ZDHHC20: variants seen among roughly 807,000 people sequenced by gnomAD.
The protein encoded by ZDHHC20 is palmitoyltransferase ZDHHC20.
ZDHHC20 carries 43 observed loss-of-function variants against 57.8 expected under a neutral mutation model. That is an observed-to-expected ratio of 0.74 (90% CI 0.58 to 0.96). The LOEUF (loss-of-function observed/expected upper bound fraction) is 0.96. Among genes scored for constraint, ZDHHC20 ranks in the 40% least tolerant of loss-of-function variants. The pLI is 0.00. For missense variants in ZDHHC20, 391 were observed against 441.1 expected (o/e 0.89, Z 1.02); for synonymous variants, 157 against 153.0 (o/e 1.03, Z -0.19).
intron 11 of ZDHHC20, among the ~76,000 whole-genome samples, chr13:21,380,104 C>T (rs1019880238): frequency 6.6e-6 from 1 of 150,742 alleles, no homozygotes; most frequent in East Asian, 2.0e-4. Context: ...CATGAGCCAC[C>T]GTGCCCAGCC....
intron 9 of ZDHHC20, among the ~76,000 whole-genome samples, chr13:21,383,336 C>T (rs1023088365): frequency 3.9e-5 from 6 of 152,152 alleles, no homozygotes; most frequent in East Asian, 1.9e-4. Flanking sequence ...GTTTTATAAA[C>T]GGGAGTTCCC....
chr13:21,424,262 T>C (rs1880998811), intron 2 of ZDHHC20, among the ~76,000 whole-genome samples: 1 of 152,124 alleles, frequency 6.6e-6, no homozygotes, highest in Non-Finnish European at 1.5e-5. Context: ...TTACAAGTAA[T>C]ATAGGAAGTA....
intron 4 of ZDHHC20, among the ~76,000 whole-genome samples, chr13:21,408,187 T>C (rs578256780): frequency 5.4e-4 from 83 of 152,344 alleles, no homozygotes; most frequent in African/African-American, 1.8e-3. Flanking sequence ...GGGAATAGCA[T>C]TGAATCTATA....
intron 12 of ZDHHC20, 80 bp downstream of exon 12, chr13:21,378,581 T>G: frequency 4.8e-6 from 4 of 825,964 alleles, no homozygotes; most frequent in Non-Finnish European, 6.6e-6. Context: ...ACTAAAAAAA[T>G]ACAACTGCAA....
chr13:21,388,145 A>G (rs1018681090), intron 8 of ZDHHC20, among the ~76,000 whole-genome samples: 1 of 152,210 alleles, frequency 6.6e-6, no homozygotes, highest in Admixed American at 6.5e-5. Flanking sequence ...CGATAGAGAC[A>G]TATGTGTGCC....
chr13:21,387,411 C>G, intron 9 of ZDHHC20, 97 bp downstream of exon 9: 1 of 902,588 alleles, frequency 1.1e-6, no homozygotes, highest in Non-Finnish European at 1.5e-6. Context: ...GTGAGAATAT[C>G]ATTATATATT....
At chr13:21,428,508 C>T (rs988433045) in intron 1 of ZDHHC20, among the ~76,000 whole-genome samples, 15 of 151,824 alleles carry the variant, frequency 9.9e-5, no homozygotes, top group African/African-American at 3.6e-4. Flanking sequence ...CGTGAGCCAC[C>T]GCACCCAGGC....
At chr13:21,376,776 C>T (rs969089227) in intron 12 of ZDHHC20, 121 bp from the exon 13 acceptor site, 2 of 532,626 alleles carry the variant, frequency 3.8e-6, no homozygotes, top group East Asian at 3.6e-5. Flanking sequence ...AAAATGAATT[C>T]CTTAACACTA....
At chr13:21,421,352 G>C (rs1880632523) in intron 2 of ZDHHC20, among the ~76,000 whole-genome samples, 188 bp from the exon 3 acceptor site, 1 of 152,094 alleles carries the variant, frequency 6.6e-6, no homozygotes. Context: ...GAAATATTCT[G>C]TTCCTATATT....
At chr13:21,437,741 G>C (rs1193432575) in intron 1 of ZDHHC20, among the ~76,000 whole-genome samples, 2 of 151,628 alleles carry the variant, frequency 1.3e-5, no homozygotes, top group Non-Finnish European at 2.9e-5. Flanking sequence ...GCCCAGGCTG[G>C]AGTGCAGTGG....
chr13:21,411,753 T>C (rs1402172709), intron 4 of ZDHHC20, among the ~76,000 whole-genome samples: 1 of 152,084 alleles, frequency 6.6e-6, no homozygotes, highest in Non-Finnish European at 1.5e-5. Context: ...GTGCCAAGGA[T>C]AGAAATAGAG....
chr13:21,383,092 A>G, intron 9 of ZDHHC20, 83 bp from the exon 10 acceptor site: 4 of 1,212,640 alleles, frequency 3.3e-6, no homozygotes, highest in Admixed American at 4.0e-5. Flanking sequence ...TTTCAGAGAC[A>G]TGGCATACAT....
At chr13:21,436,892 T>G (rs1181259774) in intron 1 of ZDHHC20, among the ~76,000 whole-genome samples, 1 of 152,200 alleles carries the variant, frequency 6.6e-6, no homozygotes, top group Non-Finnish European at 1.5e-5. Flanking sequence ...GAAAAGTTCT[T>G]GAAGAAAATT....
chr13:21,380,926 T>C (rs1466096697), intron 11 of ZDHHC20, among the ~76,000 whole-genome samples: 1 of 152,058 alleles, frequency 6.6e-6, no homozygotes, highest in African/African-American at 2.4e-5. Context: ...GCCGCTATAC[T>C]CTCCTCGCTC....
chr13:21,425,377 T>C (rs1593248595), intron 2 of ZDHHC20, among the ~76,000 whole-genome samples: 2 of 152,082 alleles, frequency 1.3e-5, no homozygotes, highest in East Asian at 1.9e-4. Flanking sequence ...ATGAGACAAA[T>C]ATTTATATAA....
At chr13:21,439,794 C>T (rs9509707) in intron 1 of ZDHHC20, among the ~76,000 whole-genome samples, 26,257 of 151,862 alleles carry the variant, frequency 0.17, 2,744 homozygotes, top group Non-Finnish European at 0.25. Context: ...TTCCCAGGCG[C>T]GGTGGCTCAT....
rs138650194 is a variant in ZDHHC20 at position 21,424,628 on chromosome 13, G to A, written c.145+1024C>T. ...CAGGAGGCTGAGGCAGGAGAATGGCGTGAACCTGGGAGGCGGAGCTTGCAG... is the reference window on the plus strand; with the variant it reads ...CAGGAGGCTGAGGCAGGAGAATGGCATGAACCTGGGAGGCGGAGCTTGCAG... On this transcript the variant is annotated intron_variant, in intron 2 of 12. Transcript: ENST00000400590. Among the ~76,000 whole-genome samples the A allele has an allele frequency of 4.6e-4, 69 of 151,392 alleles. 1 individual carries two copies. In the East Asian group the frequency reaches 8.6e-3, roughly 19 times the overall value.
chr13:21,372,834 G>A lies in ZDHHC20; in HGVS notation c.*3862C>T, dbSNP rs1385808614. ...ATATTAAAGCTCACTTTAAAATAGT[G>A]TCCATCTTTTCTTTTAAACGGGCAT... On this transcript the variant is annotated 3_prime_UTR_variant, in exon 13 of 13. Transcript: ENST00000400590. The A allele has an allele frequency of 3.3e-5, 5 of 152,100 alleles. No individual in the cohort carries two copies. Among genetic ancestry groups the A allele is most frequent in the Non-Finnish European group, 7.4e-5 (5 of 68,002 alleles). The allele number at this position is 152,100 out of a possible 1,614,324, so 9.4% of individuals were successfully genotyped here.
intron 9 of ZDHHC20, among the ~76,000 whole-genome samples, chr13:21,387,024 G>C (rs1874655660): frequency 1.3e-5 from 2 of 152,058 alleles, no homozygotes; most frequent in Admixed American, 1.3e-4. Flanking sequence ...TTGGTATATA[G>C]CTGGCCTAAA....
Sources: gnomAD v4.1 joint callset for allele counts (sites outside exome capture counted in the v4.1 genomes callset) on GRCh38, gnomAD v4.1.1 for gene constraint, MANE v1.5 for transcripts, NCBI Gene and HGNC (gene_info 2026-07-23, HGNC 2026-07-21) for gene names.